The following CAMKMT variants were observed in gnomAD, a reference collection of about 807,000 sequenced individuals.
CAMKMT encodes the protein CaM KMT.
A neutral mutation model predicts 48.0 loss-of-function variants in CAMKMT; 53 were observed. The observed-to-expected ratio is 1.10, with a 90% CI of 0.89 to 1.39. The LOEUF is 1.39. Among genes scored for constraint, CAMKMT ranks in the 40% most tolerant of loss-of-function variants. The pLI is 0.00. For synonymous variants in CAMKMT, 165 were observed against 152.3 expected (o/e 1.08, Z -0.61); for missense variants, 428 against 402.7 (o/e 1.06, Z -0.54).
chr2:44,579,093 A>C (rs1669397540), intron 3 of CAMKMT, among the ~76,000 whole-genome samples: 1 of 152,238 alleles, frequency 6.6e-6, no homozygotes, highest in Non-Finnish European at 1.5e-5. Flanking sequence ...TTTCTTTGCC[A>C]TGAGATTTTA....
At chr2:44,567,480 C>T (rs1253669036) in intron 3 of CAMKMT, among the ~76,000 whole-genome samples, 1 of 152,176 alleles carries the variant, frequency 6.6e-6, no homozygotes, top group Non-Finnish European at 1.5e-5. Context: ...CATCTTGCTT[C>T]TCTCCCATGT....
intron 3 of CAMKMT, among the ~76,000 whole-genome samples, chr2:44,639,628 G>A (rs1673335738): frequency 1.3e-5 from 2 of 152,168 alleles, no homozygotes; most frequent in South Asian, 4.1e-4. Context: ...AGTAGCAGTG[G>A]GTGGTTTATA....
At chr2:44,477,688 A>G (rs78603916) in intron 3 of CAMKMT, among the ~76,000 whole-genome samples, 3,933 of 152,296 alleles carry the variant, frequency 0.026, 164 homozygotes, top group African/African-American at 0.089. Flanking sequence ...CTATGAAAGG[A>G]ATTGAAGAGT....
intron 3 of CAMKMT, among the ~76,000 whole-genome samples, chr2:44,481,693 T>C (rs1668972137): frequency 1.3e-5 from 2 of 152,092 alleles, no homozygotes; most frequent in African/African-American, 2.4e-5. Context: ...TCCCTAATGA[T>C]AAAGTTGATA....
chr2:44,460,263 T>A (rs1224226296), intron 3 of CAMKMT, among the ~76,000 whole-genome samples: 3 of 152,178 alleles, frequency 2.0e-5, no homozygotes, highest in Non-Finnish European at 2.9e-5. Context: ...AGCAAATAAT[T>A]TTCATAAAAA....
At chr2:44,563,047 G>A (rs1668408330) in intron 3 of CAMKMT, among the ~76,000 whole-genome samples, 1 of 152,006 alleles carries the variant, frequency 6.6e-6, no homozygotes. Flanking sequence ...CAACTCCTAT[G>A]CCATAACTAG....
In CAMKMT at chr2:44,608,274, G is replaced by A. The variant is rs539675965; in HGVS notation, c.377-96009G>A. On this transcript the variant is annotated intron_variant, in intron 3 of 10. Coordinates refer to ENST00000378494, the MANE Select transcript of CAMKMT (RefSeq NM_024766.5). ...TTTTTAGTAGAGACGGGGTTTCACC[G>A]TGTTAGCCAAGATGGTCTCGATCTC... is the stretch of plus-strand genomic sequence containing the variant. Among the ~76,000 whole-genome samples the A allele has an allele frequency of 7.2e-5, 11 of 151,806 alleles. No homozygotes were observed. In the South Asian group the frequency reaches 2.1e-3, roughly 29 times the overall value.
intron 3 of CAMKMT, among the ~76,000 whole-genome samples, chr2:44,586,733 C>G (rs979240331): frequency 6.6e-6 from 1 of 152,082 alleles, no homozygotes; most frequent in Non-Finnish European, 1.5e-5. Context: ...TGGGTTGTTT[C>G]CAGCTTTGGG....
At chr2:44,366,372 A>G (rs902112317) in intron 1 of CAMKMT, among the ~76,000 whole-genome samples, 2 of 152,192 alleles carry the variant, frequency 1.3e-5, no homozygotes, top group Non-Finnish European at 2.9e-5. Context: ...ACTGATCTAT[A>G]TCAAGTATTT....
At chr2:44,445,078 A>G (rs1666899941) in intron 3 of CAMKMT, among the ~76,000 whole-genome samples, 1 of 152,210 alleles carries the variant, frequency 6.6e-6, no homozygotes, top group African/African-American at 2.4e-5. Flanking sequence ...AATTAAGCCA[A>G]GCCTCCCATT....
intron 3 of CAMKMT, among the ~76,000 whole-genome samples, chr2:44,542,858 A>C (rs1667206240): frequency 6.6e-6 from 1 of 152,128 alleles, no homozygotes. Context: ...GTGGGAGATA[A>C]AACTGGAAAC....
intron 3 of CAMKMT, among the ~76,000 whole-genome samples, chr2:44,437,831 T>A: frequency 8.1e-6 from 1 of 123,354 alleles, no homozygotes. Flanking sequence ...AGAGCAAGAC[T>A]CTGCTACAAA....
intron 3 of CAMKMT, among the ~76,000 whole-genome samples, chr2:44,442,769 C>T (rs1470545612): frequency 1.3e-5 from 2 of 152,194 alleles, no homozygotes. Context: ...CACTAGGCAT[C>T]TACTGTAATT....
chr2:44,392,169 C>CGTTA (rs1681406556), intron 3 of CAMKMT: 1 of 151,888 alleles, frequency 6.6e-6, no homozygotes, highest in Non-Finnish European at 1.5e-5. Context: ...TTTAATTGAA[C>CGTTA]TAACAGGGCA....
At chr2:44,472,195 C>T (rs1045596012) in intron 3 of CAMKMT, among the ~76,000 whole-genome samples, 53 of 152,162 alleles carry the variant, frequency 3.5e-4, no homozygotes, top group Admixed American at 1.3e-4. Flanking sequence ...CTCAGCATCC[C>T]GAGTAGCTGG....
intron 9 of CAMKMT, among the ~76,000 whole-genome samples, chr2:44,766,045 G>A (rs140836518): frequency 0.017 from 2,592 of 152,318 alleles, 33 homozygotes; most frequent in South Asian, 0.03. Context: ...TTGGGGAAGC[G>A]TTGGCAGGTG....
intron 3 of CAMKMT, among the ~76,000 whole-genome samples, chr2:44,474,791 A>C (rs1249713434): frequency 6.6e-6 from 1 of 152,176 alleles, no homozygotes; most frequent in Non-Finnish European, 1.5e-5. Flanking sequence ...CACTAACAGC[A>C]CTGTAAATAC....
intron 3 of CAMKMT, among the ~76,000 whole-genome samples, chr2:44,686,842 T>C (rs1676365556): frequency 6.6e-6 from 1 of 152,252 alleles, no homozygotes; most frequent in Non-Finnish European, 1.5e-5. Flanking sequence ...GAGGAGAATT[T>C]AAAATTAGCT....
intron 2 of CAMKMT, among the ~76,000 whole-genome samples, chr2:44,376,247 C>T (rs1384777526): frequency 6.6e-6 from 1 of 151,872 alleles, no homozygotes; most frequent in African/African-American, 2.4e-5. Flanking sequence ...CCTGTCTCTA[C>T]TAAAAATACA....
Sources: gnomAD v4.1 joint callset for allele counts (sites outside exome capture counted in the v4.1 genomes callset) on GRCh38, gnomAD v4.1.1 for gene constraint, MANE v1.5 for transcripts, NCBI Gene and HGNC (gene_info 2026-07-23, HGNC 2026-07-21) for gene names.